EML5: variants seen among roughly 807,000 people sequenced by gnomAD.
EML5 encodes EMAP like 5.
Under a neutral mutation model 250.0 loss-of-function variants are expected in EML5, and 120 were observed. That is an observed-to-expected ratio of 0.48 (90% confidence interval 0.41 to 0.56). The LOEUF (loss-of-function observed/expected upper bound fraction) is 0.56, where lower values mean the gene tolerates loss of function less well. Among genes scored for constraint, EML5 ranks in the 20% least tolerant of loss-of-function variants. The probability of loss-of-function intolerance (pLI) is 0.00; values close to 1 mark genes in which losing one functional copy is unlikely to be tolerated. For missense variants in EML5, 2,006 were observed against 2,437.6 expected, an observed-to-expected ratio of 0.82 and a Z score of 3.73; for synonymous variants, 771 against 806.5, an observed-to-expected ratio of 0.96 and a Z score of 0.75.
intron 1 of EML5, among the ~76,000 whole-genome samples, chr14:88,766,536 C>T (rs1189262761): frequency 1.3e-5 from 2 of 152,084 alleles, no homozygotes; most frequent in Non-Finnish European, 2.9e-5. Context: ...TCAGACCGGT[C>T]GTCTGCTCTC....
chr14:88,642,417 A>T (rs897230009), intron 31 of EML5, among the ~76,000 whole-genome samples: 7 of 152,336 alleles, frequency 4.6e-5, no homozygotes, highest in Non-Finnish European at 1.0e-4. Context: ...GTATCATCAT[A>T]GAGCCACAGA....
chr14:88,733,267 TA>T (rs1439420257), intron 7 of EML5, among the ~76,000 whole-genome samples: 1 of 152,202 alleles, frequency 6.6e-6, no homozygotes, highest in Non-Finnish European at 1.5e-5. Context: ...GACAAAGCCA[TA>T]AACAAAGGTC....
intron 5 of EML5, among the ~76,000 whole-genome samples, chr14:88,739,749 A>C (rs1386386553): frequency 1.3e-5 from 2 of 152,144 alleles, no homozygotes; most frequent in Non-Finnish European, 2.9e-5. Context: ...AAGATTAATA[A>C]CCCTAATATT....
At chr14:88,625,331 G>A (rs2089756375) in intron 35 of EML5, 1 of 537,744 alleles carries the variant, frequency 1.9e-6, no homozygotes, top group Non-Finnish European at 3.2e-6. Flanking sequence ...TTCCAAGTCT[G>A]TTGCTTATTA....
At chr14:88,723,259 A>T (rs1425698081) in intron 8 of EML5, among the ~76,000 whole-genome samples, 10 of 152,208 alleles carry the variant, frequency 6.6e-5, no homozygotes, top group African/African-American at 2.4e-4. Context: ...CAAAAATTTT[A>T]AAAAATAATT....
At chr14:88,703,731 G>C (rs1204333802) in intron 13 of EML5, among the ~76,000 whole-genome samples, 1 of 152,114 alleles carries the variant, frequency 6.6e-6, no homozygotes, top group African/African-American at 2.4e-5. Context: ...TGTGAGACCC[G>C]TATTGCCAGA....
At chr14:88,738,331 G>A (rs1479818921) in intron 6 of EML5, among the ~76,000 whole-genome samples, 1 of 151,758 alleles carries the variant, frequency 6.6e-6, no homozygotes, top group African/African-American at 2.4e-5. Flanking sequence ...GTAGGTGACT[G>A]GAATATGGTT....
intron 1 of EML5, among the ~76,000 whole-genome samples, chr14:88,781,872 G>T (rs1328693133): frequency 6.6e-6 from 1 of 152,182 alleles, no homozygotes; most frequent in East Asian, 1.9e-4. Flanking sequence ...ACCCAGTCTT[G>T]ATTATGTTTT....
At chr14:88,724,114 C>CA (rs5810422) in intron 8 of EML5, among the ~76,000 whole-genome samples, 55,432 of 145,162 alleles carry the variant, frequency 0.38, 11,896 homozygotes, top group African/African-American at 0.57. Flanking sequence ...ACTAAAAATA[C>CA]AAAAAAAAAA....
intron 19 of EML5, among the ~76,000 whole-genome samples, chr14:88,686,626 A>G (rs1204482953): frequency 1.3e-5 from 2 of 152,104 alleles, no homozygotes; most frequent in African/African-American, 2.4e-5. Flanking sequence ...AGCCTGGACA[A>G]CATAGAGGGA....
At chr14:88,696,378 C>A (rs1461774027) in intron 15 of EML5, among the ~76,000 whole-genome samples, 1 of 152,062 alleles carries the variant, frequency 6.6e-6, no homozygotes, top group Non-Finnish European at 1.5e-5. Context: ...CTAATATGAT[C>A]TGAAATTATT....
At chr14:88,618,188 T>A (rs1345755534) in intron 41 of EML5, 40 bp downstream of exon 41, 1 of 1,572,322 alleles carries the variant, frequency 6.4e-7, no homozygotes, top group Non-Finnish European at 8.7e-7. Context: ...TAACTGGCCT[T>A]CAAAGTCAGT....
At chr14:88,730,240 C>T (rs756375503) in intron 7 of EML5, among the ~76,000 whole-genome samples, 54 of 152,144 alleles carry the variant, frequency 3.5e-4, no homozygotes, top group Non-Finnish European at 6.6e-4. Context: ...TACAAATATA[C>T]ATTACCAGAC....
intron 18 of EML5, 130 bp downstream of exon 18, chr14:88,688,140 AG>A (rs2092878752): frequency 1.2e-6 from 1 of 833,362 alleles, no homozygotes. Flanking sequence ...AGAAAGGTCA[AG>A]ATGACCCTAG....
At chr14:88,616,498 T>A in intron 42 of EML5, 3 of 603,060 alleles carry the variant, frequency 5.0e-6, no homozygotes, top group South Asian at 2.3e-5. Flanking sequence ...GATTATAGGT[T>A]TGGTGAAAAG....
chr14:88,662,944 G>T, intron 24 of EML5, 87 bp downstream of exon 24: 2 of 912,752 alleles, frequency 2.2e-6, no homozygotes, highest in African/African-American at 1.7e-5. Context: ...CAGACTTCAC[G>T]TGTAACTAAA....
At chr14:88,670,312 T>G (rs1474105926) in intron 21 of EML5, among the ~76,000 whole-genome samples, 1 of 101,878 alleles carries the variant, frequency 9.8e-6, no homozygotes, top group African/African-American at 4.7e-5. Flanking sequence ...AGAGCAGGAC[T>G]CCATCTCAAA....
chr14:88,786,231 T>C (rs150045109), intron 1 of EML5, among the ~76,000 whole-genome samples: 1 of 152,346 alleles, frequency 6.6e-6, no homozygotes, highest in East Asian at 1.9e-4. Context: ...CTCTTCCCAA[T>C]AGTTTCTATC....
At chr14:88,669,277 T>C (rs1724982680) in intron 21 of EML5, among the ~76,000 whole-genome samples, 3 of 152,170 alleles carry the variant, frequency 2.0e-5, no homozygotes, top group South Asian at 2.1e-4. Context: ...TGCCGAAGAC[T>C]ACCAAGTTCC....
Sources: gnomAD v4.1 joint callset for allele counts (sites outside exome capture counted in the v4.1 genomes callset) on GRCh38, gnomAD v4.1.1 for gene constraint, MANE v1.5 for transcripts, NCBI Gene and HGNC (gene_info 2026-07-23, HGNC 2026-07-21) for gene names.